Variants in KPNA1 observed in about 807,000 individuals in gnomAD.
KPNA1 encodes the protein karyopherin subunit alpha 1, also known as importin subunit alpha-5.
A neutral mutation model predicts 70.5 loss-of-function variants in KPNA1; 10 were observed. The ratio of observed to expected loss-of-function variants is 0.14; its 90% confidence interval spans 0.09 to 0.24. The LOEUF (loss-of-function observed/expected upper bound fraction) is 0.24. KPNA1 is among the 10% of genes least tolerant of loss of function. The probability of loss-of-function intolerance (pLI) is 1.00; values close to 1 mark genes in which losing one functional copy is unlikely to be tolerated. For missense variants in KPNA1, 397 were observed against 637.9 expected (o/e 0.62, Z 4.07); for synonymous variants, 192 against 221.9 (o/e 0.87, Z 1.20).
intron 1 of KPNA1, among the ~76,000 whole-genome samples, chr3:122,502,033 A>C (rs2076834924): frequency 6.6e-6 from 1 of 152,232 alleles, no homozygotes; most frequent in Non-Finnish European, 1.5e-5. Flanking sequence ...TTTTGATGCA[A>C]ACCTGGGTTG....
At chr3:122,457,607 C>T (rs986651227) in intron 5 of KPNA1, 2 of 874,492 alleles carry the variant, frequency 2.3e-6, no homozygotes, top group African/African-American at 1.8e-5. Flanking sequence ...TAAGGCTACA[C>T]CTGAAATCTG....
chr3:122,500,386 T>C (rs992189979), intron 1 of KPNA1, among the ~76,000 whole-genome samples: 2 of 152,164 alleles, frequency 1.3e-5, no homozygotes, highest in African/African-American at 4.8e-5. Context: ...CCTCCCAAAG[T>C]GCTGGGATTA....
At chr3:122,462,707 C>T (rs1358804841) in intron 4 of KPNA1, among the ~76,000 whole-genome samples, 1 of 151,846 alleles carries the variant, frequency 6.6e-6, no homozygotes, top group Non-Finnish European at 1.5e-5. Context: ...AAGCGGTCTG[C>T]AAAAGACAAT....
chr3:122,474,151 T>C (rs1187168009), intron 2 of KPNA1, among the ~76,000 whole-genome samples: 1 of 152,016 alleles, frequency 6.6e-6, no homozygotes, highest in Non-Finnish European at 1.5e-5. Flanking sequence ...ACAAAACATA[T>C]ACGAGATTTC....
At chr3:122,460,836 A>G (rs902829694) in intron 5 of KPNA1, among the ~76,000 whole-genome samples, 3 of 152,066 alleles carry the variant, frequency 2.0e-5, no homozygotes, top group African/African-American at 7.2e-5. Context: ...TTGGGAATTA[A>G]TAAGACTCTG....
chr3:122,452,757 AGGAGAGACGGAGAGAAGGAGAGAT>A (rs1394588652), intron 6 of KPNA1, among the ~76,000 whole-genome samples: 83 of 150,752 alleles, frequency 5.5e-4, no homozygotes, highest in Non-Finnish European at 1.2e-3. Flanking sequence ...GACAGAGGGA[AGGAGAGACGGAGAGAAGGAGAGAT>A]GGAGAGACGG....
At chr3:122,437,961 C>T (rs1230035487) in intron 10 of KPNA1, among the ~76,000 whole-genome samples, 2 of 152,202 alleles carry the variant, frequency 1.3e-5, no homozygotes, top group African/African-American at 4.8e-5. Flanking sequence ...CTTCCAATGA[C>T]TTGTGGCTAT....
At chr3:122,437,800 A>G (rs1260958044) in intron 10 of KPNA1, among the ~76,000 whole-genome samples, 1 of 151,906 alleles carries the variant, frequency 6.6e-6, no homozygotes, top group African/African-American at 2.4e-5. Context: ...ACACATGAAG[A>G]AGGAGACCTA....
At chr3:122,496,332 A>ACACACACACG in intron 2 of KPNA1, 105 bp downstream of exon 2, 1 of 925,250 alleles carries the variant, frequency 1.1e-6, no homozygotes, top group East Asian at 2.7e-5. Flanking sequence ...ACACACACAC[A>ACACACACACG]CACACACACA....
At chr3:122,447,930 C>G (rs11712614) in intron 9 of KPNA1, among the ~76,000 whole-genome samples, 1 of 151,480 alleles carries the variant, frequency 6.6e-6, no homozygotes. Flanking sequence ...GAAAAAAAAA[C>G]CCCCTCAAAA....
chr3:122,512,500 T>C (rs908276922), intron 1 of KPNA1, among the ~76,000 whole-genome samples: 11 of 152,206 alleles, frequency 7.2e-5, no homozygotes, highest in Non-Finnish European at 1.3e-4. Context: ...GGAGGGCGGA[T>C]TGCGTGAGCT....
intron 2 of KPNA1, among the ~76,000 whole-genome samples, chr3:122,472,849 G>A (rs2076457555): frequency 1.3e-5 from 2 of 152,152 alleles, no homozygotes; most frequent in African/African-American, 2.4e-5. Flanking sequence ...GGGAGGCTGA[G>A]GCAGGCAGAT....
chr3:122,462,111 C>A (rs1023408947), intron 4 of KPNA1, among the ~76,000 whole-genome samples: 10 of 151,940 alleles, frequency 6.6e-5, no homozygotes, highest in African/African-American at 2.4e-4. Context: ...TTATATTAAC[C>A]ACGCAGGTAA....
intron 2 of KPNA1, among the ~76,000 whole-genome samples, chr3:122,480,004 G>A (rs576846020): frequency 5.3e-5 from 8 of 152,152 alleles, no homozygotes; most frequent in Non-Finnish European, 8.8e-5. Context: ...CTATGAAGCC[G>A]TGGAAAGACA....
chr3:122,455,044 GA>G (rs1202425576), intron 5 of KPNA1, among the ~76,000 whole-genome samples: 1 of 152,106 alleles, frequency 6.6e-6, no homozygotes, highest in African/African-American at 2.4e-5. Context: ...CAGAAAAAAA[GA>G]AAAATTCCAT....
intron 1 of KPNA1, among the ~76,000 whole-genome samples, chr3:122,502,839 G>A (rs901649620): frequency 6.6e-6 from 1 of 152,138 alleles, no homozygotes; most frequent in African/African-American, 2.4e-5. Flanking sequence ...AAATCTGAGT[G>A]GGACGCGGTA....
chr3:122,499,127 C>G (rs1225008919), intron 1 of KPNA1, among the ~76,000 whole-genome samples: 1 of 130,454 alleles, frequency 7.7e-6, no homozygotes, highest in Admixed American at 7.2e-5. Context: ...TGATACACAT[C>G]ATGTCGTCTA....
intron 6 of KPNA1, among the ~76,000 whole-genome samples, chr3:122,452,734 G>GGAGGGAAGGAGAGACA (rs1288300778): frequency 2.1e-5 from 3 of 145,074 alleles, no homozygotes; most frequent in African/African-American, 8.3e-5. Context: ...AAGGAGAGAC[G>GGAGGGAAGGAGAGACA]GAGGGAAGGA....
At chr3:122,489,293 T>TG (rs1328778141) in intron 2 of KPNA1, among the ~76,000 whole-genome samples, 1 of 151,140 alleles carries the variant, frequency 6.6e-6, no homozygotes, top group African/African-American at 2.4e-5. Flanking sequence ...TTGTTTTTTT[T>TG]TGTTTGTTTT....
Sources: allele counts gnomAD v4.1 joint callset (sites outside exome capture counted in the v4.1 genomes callset), GRCh38; gene constraint gnomAD v4.1.1; transcripts MANE v1.5; gene names NCBI Gene and HGNC (gene_info 2026-07-23, HGNC 2026-07-21).